MUTYH: variants seen among roughly 807,000 people sequenced by gnomAD.
MUTYH encodes the protein mutY DNA glycosylase, also known as adenine DNA glycosylase.
Under a neutral mutation model 72.9 loss-of-function variants are expected in MUTYH, and 64 were observed. The observed-to-expected ratio is 0.88, with a 90% CI of 0.72 to 1.08. MUTYH has a LOEUF of 1.08. Among genes scored for constraint, MUTYH ranks in the 50% least tolerant of loss-of-function variants. The pLI is 0.00. For synonymous variants in MUTYH, 234 were observed against 263.1 expected (o/e 0.89, Z 1.07); for missense variants, 633 against 671.0 (o/e 0.94, Z 0.63).
At chr1:45,330,421 G>T in intron 15 of MUTYH, 95 bp downstream of exon 15, 2 of 1,349,694 alleles carry the variant, frequency 1.5e-6, no homozygotes, top group South Asian at 1.2e-5. Context: ...GCCTGGAGTG[G>T]AGAATGTTCA....
At chr1:45,332,739 C>T (rs768641757) in intron 7 of MUTYH, 24 bp downstream of exon 7, 6 of 1,614,022 alleles carry the variant, frequency 3.7e-6, no homozygotes, top group African/African-American at 1.3e-5. Flanking sequence ...CTCCTGGGTT[C>T]CTACCCTCCT....
intron 1 of MUTYH, chr1:45,338,214 C>A (rs1423547427): frequency 1.9e-6 from 1 of 529,110 alleles, no homozygotes; most frequent in Non-Finnish European, 3.7e-6. Flanking sequence ...GATTTGGCTG[C>A]CACACCCTTG....
chr1:45,340,116 C>G, upstream of MUTYH: 1 of 1,561,740 alleles, frequency 6.4e-7, no homozygotes. Flanking sequence ...GGACCCGGGA[C>G]GTCTGAACGG....
At chr1:45,330,661 C>G (rs1570350422) in intron 14 of MUTYH, 104 bp from the exon 15 acceptor site, 2 of 1,391,292 alleles carry the variant, frequency 1.4e-6, no homozygotes, top group East Asian at 5.0e-5. Flanking sequence ...TTAAAATATG[C>G]TTTTTTGGCC....
intron 11 of MUTYH, 45 bp from the exon 12 acceptor site, chr1:45,331,894 T>C: frequency 6.2e-7 from 1 of 1,606,238 alleles, no homozygotes; most frequent in Non-Finnish European, 8.5e-7. Flanking sequence ...AAGAGGGCTT[T>C]AGGGGCCAAC....
intron 1 of MUTYH, chr1:45,339,638 G>A: frequency 8.2e-6 from 3 of 363,836 alleles, no homozygotes; most frequent in Non-Finnish European, 1.1e-5. Context: ...TCACTTGATT[G>A]GATTATTACA....
intron 15 of MUTYH, among the ~76,000 whole-genome samples, 196 bp downstream of exon 15, chr1:45,330,320 G>GGA (rs1644574003): frequency 6.6e-6 from 1 of 151,060 alleles, no homozygotes; most frequent in Admixed American, 6.6e-5. Context: ...CTGTGACACT[G>GGA]GAGAGTCCTC....
At chr1:45,330,181 C>T (rs1219313467) in intron 15 of MUTYH, 17 of 253,986 alleles carry the variant, frequency 6.7e-5, no homozygotes, top group East Asian at 3.2e-4. Context: ...TGCAGTGAGC[C>T]GAGATCGGGC....
intron 14 of MUTYH, among the ~76,000 whole-genome samples, 168 bp downstream of exon 14, chr1:45,331,014 G>T (rs1449416052): frequency 6.6e-6 from 1 of 152,186 alleles, no homozygotes. Flanking sequence ...GAACCCGGGA[G>T]ATGGAGGTTG....
intron 1 of MUTYH, among the ~76,000 whole-genome samples, chr1:45,337,748 A>C (rs983715308): frequency 4.6e-5 from 7 of 152,120 alleles, no homozygotes; most frequent in Non-Finnish European, 1.0e-4. Flanking sequence ...AGAAAAAAAA[A>C]GATTGAGCAA....
At chr1:45,330,661 CT>C in intron 14 of MUTYH, 104 bp from the exon 15 acceptor site, 2 of 1,391,276 alleles carry the variant, frequency 1.4e-6, no homozygotes, top group Non-Finnish European at 2.0e-6. Context: ...TTAAAATATG[CT>C]TTTTTGGCCA....
chr1:45,337,701 C>T (rs1646108798), intron 1 of MUTYH, among the ~76,000 whole-genome samples: 1 of 152,002 alleles, frequency 6.6e-6, no homozygotes, highest in African/African-American at 2.4e-5. Context: ...TGTGCCACTG[C>T]ACTCCACCCT....
At chr1:45,340,129 G>T, upstream of MUTYH, 2 of 1,571,580 alleles carry the variant, frequency 1.3e-6, no homozygotes, top group Non-Finnish European at 1.7e-6. Context: ...CTGAACGGAA[G>T]TTCGACCCAT....
chr1:45,331,512 G>T lies in MUTYH; in HGVS notation c.1147C>A (p.Pro383Thr), dbSNP rs2149120668. The T allele has an allele frequency of 1.2e-6, 2 of 1,614,104 alleles. No homozygotes were observed. The highest frequency in any genetic ancestry group is 1.7e-6 in the Non-Finnish European group (2 of 1,180,028). ...GCCTTGCGCTGAAGCTGCTCTGAGGGCTCCCAGGTCACGGACGGGAACTCC... is the reference window on the plus strand; with the variant it reads ...GCCTTGCGCTGAAGCTGCTCTGAGGTCTCCCAGGTCACGGACGGGAACTCC... ...LWEFPSVTWEPSEQLQRKALL... is the reference protein window; with the variant it reads ...LWEFPSVTWETSEQLQRKALL... Residue 383 changes from proline (P) to threonine (T), a missense_variant, in exon 13 of 16, where the codon CCC (proline) becomes ACC (threonine). Transcript: ENST00000456914.
chr1:45,332,195 C>A lies in MUTYH; in HGVS notation c.820G>T (p.Val274Leu), dbSNP rs760889663. 4.3e-6 allele frequency: 7 copies of A among 1,614,108 alleles called. No individual in the cohort carries two copies. Among genetic ancestry groups the A allele is most frequent in the African/African-American group, 1.3e-5 (1 of 74,938 alleles). ...PQRPLCSQCPVESLCRARQRV... is the reference protein window; with the variant it reads ...PQRPLCSQCPLESLCRARQRV... ...TGGCGTGCCCGGCACAGGCTCTCCACAGGGCACTGGCTGCACAGTGGGCGC... is the reference window on the plus strand; with the variant it reads ...TGGCGTGCCCGGCACAGGCTCTCCAAAGGGCACTGGCTGCACAGTGGGCGC... The change falls in exon 10 of 16, where the codon GTG (valine) becomes TTG (leucine). Residue 274 changes from valine to leucine, a missense_variant. Transcript: ENST00000456914.
rs749815703 is a variant in MUTYH, at chr1:45,332,232, C to A, written c.783G>T (p.Val261=). The change falls in exon 10 of 16, where the codon GTG becomes GTT. Residue 261 remains valine, a synonymous_variant. Coordinates refer to ENST00000456914, the MANE Select transcript of MUTYH (RefSeq NM_001048174.2). The part of the protein sequence containing the change: ...NQAAMELGAT[V]CTPQRPLCSQ... ...TGCACAGTGGGCGCTGTGGGGTACA[C>A]ACTGTGGCCCCTAGCTCCATGGCTG... The A allele has an allele frequency of 6.2e-7, 1 of 1,614,178 alleles. No homozygotes were observed. The highest frequency in any genetic ancestry group is 8.5e-7 in the Non-Finnish European group (1 of 1,180,004).
chr1:45,330,466 A>G (rs1014622971), intron 15 of MUTYH, 50 bp downstream of exon 15: 2 of 1,571,036 alleles, frequency 1.3e-6, no homozygotes, highest in East Asian at 2.3e-5. Flanking sequence ...CTAAAAACCT[A>G]TGGACTCAGG....
At chr1:45,330,837 C>T (rs1048352726) in intron 14 of MUTYH, among the ~76,000 whole-genome samples, 2 of 152,110 alleles carry the variant, frequency 1.3e-5, no homozygotes, top group Non-Finnish European at 2.9e-5. Flanking sequence ...GTAATCCCAG[C>T]ATTCTGGGAG....
intron 4 of MUTYH, 27 bp downstream of exon 4, chr1:45,333,258 G>T: frequency 6.2e-7 from 1 of 1,614,218 alleles, no homozygotes. Flanking sequence ...GAGGCAAAGT[G>T]GCCCTGCTCT....
Sources: allele counts gnomAD v4.1 joint callset (sites outside exome capture counted in the v4.1 genomes callset), GRCh38; gene constraint gnomAD v4.1.1; transcripts MANE v1.5; gene names NCBI Gene and HGNC (gene_info 2026-07-23, HGNC 2026-07-21).